B3GALT5: variants seen among roughly 807,000 people sequenced by gnomAD.
B3GALT5 encodes beta-1,3-galactosyltransferase 5.
For missense variants in B3GALT5, 328 were observed against 396.6 expected, an observed-to-expected ratio of 0.83 and a Z score of 1.47; for synonymous variants, 156 against 158.6, an observed-to-expected ratio of 0.98 and a Z score of 0.12.
rs541211076 is a variant in B3GALT5 at position 39,655,302 on chromosome 21, T to G, written c.-160-4451T>G. On this transcript the variant is annotated intron_variant, in intron 2 of 3. Transcript: ENST00000684187. ...ACTCACGAGAGGGTCAGCATTTTGT[T>G]CTGTTCAGGCTGTCAACTGAGTGAC... Among the ~76,000 whole-genome samples, 3 of 152,364 alleles carry G rather than the reference T, an allele frequency of 2.0e-5. No individual in the cohort carries two copies. The South Asian group carries it at 6.2e-4, about 32-fold the overall frequency.
At chr21:39,658,416 C>T (rs2079471758) in intron 2 of B3GALT5, among the ~76,000 whole-genome samples, 1 of 151,998 alleles carries the variant, frequency 6.6e-6, no homozygotes, top group Non-Finnish European at 1.5e-5. Flanking sequence ...TTAAAGCAAC[C>T]CATAGAAAAG....
chr21:39,614,757 T>C lies in B3GALT5; in HGVS notation c.-392+1690T>C, dbSNP rs925896364. On this transcript the variant is annotated intron_variant, in intron 1 of 3. Transcript: ENST00000684187. ...TTCAGGGTCTCCATCTTGTCCTTCC[T>C]GGGCATGGAACTGAGCCCAGTACTG... Among the ~76,000 whole-genome samples the C allele has an allele frequency of 5.9e-5, 9 of 152,276 alleles. No homozygotes were observed. In the East Asian group the frequency reaches 1.4e-3, roughly 23 times the overall value.
intron 2 of B3GALT5, among the ~76,000 whole-genome samples, chr21:39,650,976 G>A (rs373150041): frequency 2.7e-5 from 4 of 149,278 alleles, no homozygotes; most frequent in African/African-American, 2.5e-5. Flanking sequence ...CAACCATAAA[G>A]AAAAAAAAAA....
At position 39,660,446 on chromosome 21, in the gene B3GALT5, G is replaced by C. The variant is rs920191707; in HGVS notation, c.1-114G>C. ...ACAGCACCCGACTTCTGTATGCAGCGAGGTTCTAGAGTTTCCAAAACACGG... is the reference window on the plus strand; with the variant it reads ...ACAGCACCCGACTTCTGTATGCAGCCAGGTTCTAGAGTTTCCAAAACACGG... On this transcript the variant is annotated intron_variant, in intron 3 of 3. Coordinates refer to ENST00000684187, the MANE Select transcript of B3GALT5 (RefSeq NM_001356336.2). 20 of 855,234 alleles carry C rather than the reference G, an allele frequency of 2.3e-5. No individual in the cohort carries two copies. In the African/African-American group the frequency reaches 3.1e-4, roughly 13 times the overall value. 53.0% of individuals were successfully genotyped at this position (855,234 alleles called of 1,614,324 possible).
rs950550292 is a variant in B3GALT5, at chr21:39,665,638, T to C, written c.*4146T>C. The stretch of plus-strand genomic sequence containing the variant: ...CCTTGGCACTGGCTGTCCTCTCTGC[T>C]GGGAGTGCCCTTTCTTCAGATGCTC... On this transcript the variant is annotated 3_prime_UTR_variant, in exon 4 of 4. Coordinates refer to ENST00000684187, the MANE Select transcript of B3GALT5 (RefSeq NM_001356336.2). 1.3e-5 allele frequency: 2 copies of C among 152,318 alleles called. No homozygotes were observed. Among genetic ancestry groups the C allele is most frequent in the African/African-American group, 4.8e-5 (2 of 41,440 alleles). The allele number at this position is 152,318 out of a possible 1,614,324, so 9.4% of individuals were successfully genotyped here.
intron 2 of B3GALT5, among the ~76,000 whole-genome samples, chr21:39,648,737 C>T (rs2079365094): frequency 6.6e-6 from 1 of 152,180 alleles, no homozygotes; most frequent in Admixed American, 6.5e-5. Context: ...TGTTGAAGGC[C>T]TCACCCCCAA....
At chr21:39,621,632 T>C (rs1447891619) in intron 1 of B3GALT5, among the ~76,000 whole-genome samples, 2 of 152,148 alleles carry the variant, frequency 1.3e-5, no homozygotes, top group African/African-American at 2.4e-5. Flanking sequence ...CTATTCCTTT[T>C]CAATGAACTA....
chr21:39,620,118 G>A (rs531765677), intron 1 of B3GALT5, among the ~76,000 whole-genome samples: 4 of 152,298 alleles, frequency 2.6e-5, no homozygotes, highest in South Asian at 4.1e-4. Context: ...GAGCCTGCCC[G>A]GCCATAATAT....
chr21:39,630,308 G>C (rs1307895521), intron 1 of B3GALT5: 1 of 152,216 alleles, frequency 6.6e-6, no homozygotes, highest in African/African-American at 2.4e-5. Flanking sequence ...GCTAGATTTG[G>C]AGTGAAGTGA....
At chr21:39,644,209 T>C (rs886576775) in intron 1 of B3GALT5, among the ~76,000 whole-genome samples, 4 of 152,290 alleles carry the variant, frequency 2.6e-5, no homozygotes, top group East Asian at 1.9e-4. Flanking sequence ...CAATCAGATA[T>C]GCATTTGTTT....
Position 39,661,048 on chromosome 21 carries a change from T to C in B3GALT5, c.489T>C (p.Val163=). The change falls in exon 4 of 4, where the codon GTT becomes GTC. Residue 163 remains valine (V), a synonymous_variant. Coordinates refer to ENST00000684187, the MANE Select transcript of B3GALT5 (RefSeq NM_001356336.2). This position sits in a 1 kb window ranked among gnomAD's most constrained non-coding sequence, Gnocchi z 4.7. Reference sequence around the variant, plus strand: ...CAGACTCAGACATGTTCATCAATGTTGACTATCTGACTGAACTGCTTCTGA... The same window carrying C: ...CAGACTCAGACATGTTCATCAATGTCGACTATCTGACTGAACTGCTTCTGA... ...MKTDSDMFIN[V]DYLTELLLKK... is the part of the protein sequence containing the mutation. 3 of 1,614,214 alleles carry C rather than the reference T, an allele frequency of 1.9e-6. No homozygotes were observed. Among genetic ancestry groups the C allele is most frequent in the Non-Finnish European group, 2.5e-6 (3 of 1,180,026 alleles).
At chr21:39,627,160 G>T (rs1288766540) in intron 1 of B3GALT5, among the ~76,000 whole-genome samples, 1 of 152,158 alleles carries the variant, frequency 6.6e-6, no homozygotes, top group Admixed American at 6.5e-5. Context: ...GTTGCATTTT[G>T]GAAGTTCGAG....
Position 39,662,329 on chromosome 21 carries a change from T to A in B3GALT5, c.*837T>A, listed in dbSNP as rs760641183. 1.2e-5 allele frequency: 2 copies of A among 167,124 alleles called. No homozygotes were observed. Among genetic ancestry groups the A allele is most frequent in the Non-Finnish European group, 2.9e-5 (2 of 68,166 alleles). 10.4% of individuals were successfully genotyped at this position (167,124 alleles called of 1,614,324 possible). A position where few individuals can be genotyped will look rare whatever the true frequency, so the allele number is the denominator to read the frequency against. ...CTGAGCCATCTGCTGCTCTCTCATT[T>A]CATCACCCCAACTGTCCCTTGTTTT... On this transcript the variant is annotated 3_prime_UTR_variant, in exon 4 of 4. Transcript: ENST00000684187.
rs2079168244 is a variant in B3GALT5, at chr21:39,627,078, T to C, written c.-392+14011T>C. Among the ~76,000 whole-genome samples the C allele has an allele frequency of 1.3e-5, 2 of 152,212 alleles. 1 individual carries two copies. The highest frequency in any genetic ancestry group is 1.3e-4 in the Admixed American group (2 of 15,280). On this transcript the variant is annotated intron_variant, in intron 1 of 3. Transcript: ENST00000684187. ...GGGATTTTATTGAAGCCAACTGCCATGATCACCTTCCTTTTCCTTCCTAAA... is the reference window on the plus strand; with the variant it reads ...GGGATTTTATTGAAGCCAACTGCCACGATCACCTTCCTTTTCCTTCCTAAA...
chr21:39,635,413 G>A (rs913667863), intron 1 of B3GALT5, among the ~76,000 whole-genome samples: 2 of 152,182 alleles, frequency 1.3e-5, no homozygotes, highest in Non-Finnish European at 2.9e-5. Flanking sequence ...TGAGTTTCCT[G>A]TCTGGACACC....
intron 1 of B3GALT5, among the ~76,000 whole-genome samples, chr21:39,639,385 TCCTTCC>T (rs2079262948): frequency 6.7e-5 from 9 of 134,044 alleles, no homozygotes; most frequent in African/African-American, 2.5e-4. Flanking sequence ...CTTCCTTCCT[TCCTTCC>T]TTCTTTCTTT....
rs74985751 is a variant in B3GALT5, at chr21:39,613,486, G to A, written c.-392+419G>A. Among the ~76,000 whole-genome samples the A allele has an allele frequency of 2.7e-3, 416 of 152,318 alleles. 7 individuals carry two copies. Among genetic ancestry groups the A allele is most frequent in the African/African-American group, 9.6e-3 (399 of 41,574 alleles). On this transcript the variant is annotated intron_variant, in intron 1 of 3. Coordinates refer to ENST00000684187, the MANE Select transcript of B3GALT5 (RefSeq NM_001356336.2). ...GGCAGGCAGCTTCTGCATCGTGGGG[G>A]TTGTGGAAGGGGCTGATGGGCAGGA...
At chr21:39,625,591 A>G (rs2079159497) in intron 1 of B3GALT5, among the ~76,000 whole-genome samples, 1 of 152,218 alleles carries the variant, frequency 6.6e-6, no homozygotes, top group Non-Finnish European at 1.5e-5. Flanking sequence ...GAGATTCATT[A>G]TGCATATTAA....
intron 2 of B3GALT5, among the ~76,000 whole-genome samples, chr21:39,647,500 G>A (rs149702257): frequency 2.5e-3 from 386 of 151,930 alleles, no homozygotes; most frequent in Middle Eastern, 0.024. Context: ...CACCATGCCC[G>A]GGGAATTTTT....
Sources: gnomAD v4.1 joint callset for allele counts (sites outside exome capture counted in the v4.1 genomes callset) on GRCh38, gnomAD v4.1.1 for gene constraint, Gnocchi (gnomAD v3.1) non-coding constraint, MANE v1.5 for transcripts, NCBI Gene and HGNC (gene_info 2026-07-23, HGNC 2026-07-21) for gene names.